The following CDH1 variants were observed in gnomAD, a reference collection of about 807,000 sequenced individuals.
CDH1 encodes the protein cadherin-1.
In CDH1, 35 loss-of-function variants were observed where a neutral mutation model predicts 84.5. The observed-to-expected ratio is 0.41, with a 90% confidence interval of 0.32 to 0.55. The LOEUF is 0.55. CDH1 is among the 20% of genes least tolerant of loss of function. CDH1 has a pLI of 0.19. For missense variants in CDH1, 994 were observed against 1,126.6 expected, an observed-to-expected ratio of 0.88 and a Z score of 1.68; for synonymous variants, 417 against 439.0, an observed-to-expected ratio of 0.95 and a Z score of 0.63.
At chr16:68,820,755 GA>G (rs1961121625) in intron 11 of CDH1, among the ~76,000 whole-genome samples, 3 of 152,112 alleles carry the variant, frequency 2.0e-5, no homozygotes, top group Non-Finnish European at 2.9e-5. Flanking sequence ...GGTCCTTCCA[GA>G]CTGCTTCTGT....
Position 68,738,284 on chromosome 16 carries a change from T to TC in CDH1, c.49-8dup, listed in dbSNP as rs1240151598. 5 of 1,521,392 alleles carry TC rather than the reference T, an allele frequency of 3.3e-6. No homozygotes were observed. The highest frequency in any genetic ancestry group is 4.5e-6 in the Non-Finnish European group (5 of 1,119,848). The allele number at this position is 1,521,392 out of a possible 1,614,324, so 94.2% of individuals were successfully genotyped here. On this transcript the variant is annotated splice_polypyrimidine_tract_variant and intron_variant, in intron 1 of 15. Coordinates refer to ENST00000261769, the MANE Select transcript of CDH1 (RefSeq NM_004360.5). Reference sequence around the variant, plus strand: ...CGAGTCACCCGGTTCCATCTACCTTTCCCCCACCCCAGGTCTCCTCTTGGC... The same window carrying TC: ...CGAGTCACCCGGTTCCATCTACCTTTCCCCCCACCCCAGGTCTCCTCTTGGC...
chr16:68,765,667 C>T (rs1276350740), intron 2 of CDH1: 1 of 147,440 alleles, frequency 6.8e-6, no homozygotes, highest in Non-Finnish European at 1.5e-5. Context: ...TGCTTGTTTG[C>T]CTCAAGACAG....
At chr16:68,770,205 G>A (rs559143427) in intron 2 of CDH1, among the ~76,000 whole-genome samples, 58 of 152,128 alleles carry the variant, frequency 3.8e-4, no homozygotes, top group Non-Finnish European at 8.4e-4. Context: ...CCAGGTGTGT[G>A]CTCTGGGGAG....
At chr16:68,766,502 C>T (rs1316405250) in intron 2 of CDH1, among the ~76,000 whole-genome samples, 1 of 152,080 alleles carries the variant, frequency 6.6e-6, no homozygotes, top group Non-Finnish European at 1.5e-5. Context: ...TGTAAAATGG[C>T]ATTAGTAGAA....
intron 1 of CDH1, among the ~76,000 whole-genome samples, chr16:68,737,975 G>A (rs1042423387): frequency 5.3e-5 from 8 of 152,210 alleles, no homozygotes; most frequent in African/African-American, 1.9e-4. Flanking sequence ...GAGGAGTGGT[G>A]CATTCCCGGT....
chr16:68,808,340 C>T (rs751970063), intron 3 of CDH1, 84 bp from the exon 4 acceptor site: 28 of 1,400,012 alleles, frequency 2.0e-5, no homozygotes, highest in Admixed American at 3.4e-5. Context: ...AGGCTGGGGA[C>T]GCTGTCTGGC....
At chr16:68,742,642 A>C (rs374383806) in intron 2 of CDH1, 39 of 152,310 alleles carry the variant, frequency 2.6e-4, no homozygotes, top group African/African-American at 9.2e-4. Flanking sequence ...AGGCTGGGCA[A>C]ACTCCTGGCC....
At chr16:68,801,932 A>T (rs1459215114) in intron 3 of CDH1, 39 bp downstream of exon 3, 1 of 1,517,082 alleles carries the variant, frequency 6.6e-7, no homozygotes. Context: ...CTGTTGTTTT[A>T]GTGCGCTGTC....
intron 2 of CDH1, among the ~76,000 whole-genome samples, chr16:68,754,221 C>A (rs1962964287): frequency 6.6e-6 from 1 of 151,684 alleles, no homozygotes; most frequent in South Asian, 2.1e-4. Flanking sequence ...CCAGCCTGGG[C>A]AACATAGGGA....
At chr16:68,792,231 C>T (rs953697365) in intron 2 of CDH1, among the ~76,000 whole-genome samples, 1 of 113,586 alleles carries the variant, frequency 8.8e-6, no homozygotes, top group African/African-American at 3.2e-5. Flanking sequence ...TAAACACTGA[C>T]TTTTTTTTTT....
intron 2 of CDH1, among the ~76,000 whole-genome samples, chr16:68,753,901 G>A (rs1252656056): frequency 6.6e-6 from 1 of 151,184 alleles, no homozygotes; most frequent in African/African-American, 2.4e-5. Flanking sequence ...CGGATCATGA[G>A]GTCAGCAGAT....
intron 2 of CDH1, among the ~76,000 whole-genome samples, chr16:68,744,548 C>T (rs1962672741): frequency 6.6e-6 from 1 of 152,114 alleles, no homozygotes; most frequent in African/African-American, 2.4e-5. Flanking sequence ...TAGGCCTCCT[C>T]CCTTTCTGCA....
In CDH1 at chr16:68,819,405, T is replaced by A. The variant is rs770201038; in HGVS notation, c.1691T>A (p.Leu564Gln). The A allele has an allele frequency of 1.2e-6, 2 of 1,613,668 alleles. No individual in the cohort carries two copies. The highest frequency in any genetic ancestry group is 1.7e-6 in the Non-Finnish European group (2 of 1,180,022). Residue 564 changes from leucine (L) to glutamine (Q), a missense_variant, in exon 11 of 16, where the codon CTA becomes CAA. Physicochemically the swap from Leu to Gln is moderately radical, Grantham distance 113 (BLOSUM62 -2). Transcript: ENST00000261769. ...GTGAAGAACAGCACGTACACAGCCC[T>A]AATCATAGCTACAGACAATGGTAAG... is the stretch of plus-strand genomic sequence containing the variant. Reference protein sequence around the residue: ...EHVKNSTYTALIIATDNGSPV... With the variant: ...EHVKNSTYTAQIIATDNGSPV...
chr16:68,809,307 T>C (rs781124131), intron 5 of CDH1, among the ~76,000 whole-genome samples: 3 of 150,312 alleles, frequency 2.0e-5, no homozygotes. Flanking sequence ...GTTCAAGTGA[T>C]TCTCCTGCTT....
At chr16:68,743,387 G>T (rs1962637466) in intron 2 of CDH1, among the ~76,000 whole-genome samples, 1 of 137,036 alleles carries the variant, frequency 7.3e-6, no homozygotes. Flanking sequence ...CTTTTGAGAC[G>T]GAGTGTCACT....
At chr16:68,803,942 C>T (rs1960581250) in intron 3 of CDH1, among the ~76,000 whole-genome samples, 1 of 152,176 alleles carries the variant, frequency 6.6e-6, no homozygotes, top group Admixed American at 6.5e-5. Flanking sequence ...CCGCCATCCT[C>T]AGCACATGAC....
intron 2 of CDH1, among the ~76,000 whole-genome samples, chr16:68,763,063 A>G (rs1193200603): frequency 6.6e-6 from 1 of 152,072 alleles, no homozygotes; most frequent in Non-Finnish European, 1.5e-5. Flanking sequence ...CTGAAGATAA[A>G]TCAATTGTAA....
At chr16:68,830,551 G>A (rs556861171) in intron 15 of CDH1, among the ~76,000 whole-genome samples, 2 of 152,130 alleles carry the variant, frequency 1.3e-5, no homozygotes, top group Non-Finnish European at 2.9e-5. Context: ...ACAAGATGCT[G>A]AAACAGATGG....
In CDH1 at chr16:68,803,987, C is replaced by T. The variant is rs531907540; in HGVS notation, c.387+2094C>T. 1.7e-4 allele frequency among the ~76,000 whole-genome samples: 26 copies of T among 151,242 alleles called. No individual in the cohort carries two copies. In the East Asian group the frequency reaches 2.6e-3, roughly 15 times the overall value. ...AAGGAGACCTCGTGATCCCAGATGG[C>T]GGCTGGAGCTCCAGTCATCATGTCT... On this transcript the variant is annotated intron_variant, in intron 3 of 15. Coordinates refer to ENST00000261769, the MANE Select transcript of CDH1 (RefSeq NM_004360.5).
Sources: gnomAD v4.1 joint callset for allele counts (sites outside exome capture counted in the v4.1 genomes callset) on GRCh38, gnomAD v4.1.1 for gene constraint, MANE v1.5 for transcripts, NCBI Gene and HGNC (gene_info 2026-07-23, HGNC 2026-07-21) for gene names.